The following KCNB2 variants were observed in gnomAD, a reference collection of about 807,000 sequenced individuals.
The protein encoded by KCNB2 is potassium voltage-gated channel subfamily B member 2, also known as delayed rectifier potassium channel protein.
In KCNB2, 15 loss-of-function variants were observed where a neutral mutation model predicts 61.5. That is an observed-to-expected ratio of 0.24 (90% CI 0.16 to 0.38). The LOEUF is 0.38. Among genes scored for constraint, KCNB2 ranks in the 10% least tolerant of loss-of-function variants. The probability of loss-of-function intolerance (pLI) is 1.00; values close to 1 mark genes in which losing one functional copy is unlikely to be tolerated. For missense variants in KCNB2, 828 were observed against 1,125.2 expected, an observed-to-expected ratio of 0.74 and a Z score of 3.78; for synonymous variants, 457 against 446.0, an observed-to-expected ratio of 1.02 and a Z score of -0.31.
At chr8:72,733,697 G>A (rs182113210) in intron 2 of KCNB2, among the ~76,000 whole-genome samples, 294 of 152,206 alleles carry the variant, frequency 1.9e-3, no homozygotes, top group African/African-American at 6.7e-3. Context: ...GAAGGTAGTC[G>A]TTAGGACAGC....
intron 2 of KCNB2, among the ~76,000 whole-genome samples, chr8:72,892,873 A>G: frequency 6.6e-6 from 1 of 152,198 alleles, no homozygotes; most frequent in East Asian, 1.9e-4. Context: ...ATAAGTATGC[A>G]AAATTATTTC....
chr8:72,808,525 C>A (rs143587226), intron 2 of KCNB2, among the ~76,000 whole-genome samples: 1 of 152,122 alleles, frequency 6.6e-6, no homozygotes, highest in African/African-American at 2.4e-5. Flanking sequence ...TGTAATCTAG[C>A]CCCCATACAA....
intron 2 of KCNB2, among the ~76,000 whole-genome samples, chr8:72,611,819 C>T (rs1286111305): frequency 1.3e-5 from 2 of 152,146 alleles, no homozygotes; most frequent in Admixed American, 6.6e-5. Flanking sequence ...AGGTAGCCCA[C>T]TTGCTGCCCA....
rs1585988231 is a variant in KCNB2 at position 72,936,998 on chromosome 8, C to T, written c.1643C>T (p.Thr548Ile). 6.2e-7 allele frequency: 1 copy of T among 1,614,162 alleles called. No homozygotes were observed. The highest frequency in any genetic ancestry group is 1.1e-5 in the South Asian group (1 of 91,078). The change falls in exon 3 of 3, where the codon ACC becomes ATC. Residue 548 changes from threonine to isoleucine, a missense_variant. Physicochemically the swap from Thr to Ile is moderately conservative, Grantham distance 89. Around this residue, in one of 4 missense-constraint regions of KCNB2, gnomAD observed 559 missense variants for 588.4 expected, o/e 0.95. Coordinates refer to ENST00000523207, the MANE Select transcript of KCNB2 (RefSeq NM_004770.3). This position sits in a 1 kb window ranked among gnomAD's most constrained non-coding sequence, Gnocchi z 5.6. ...QKLEMLYNEI[T>I]KTQPHSHPNP... is the part of the protein sequence containing the mutation. ...CTGGAGATGCTATACAATGAAATCA[C>T]CAAGACACAGCCTCATTCTCACCCA...
At chr8:72,735,853 T>C (rs1277611104) in intron 2 of KCNB2, among the ~76,000 whole-genome samples, 1 of 152,168 alleles carries the variant, frequency 6.6e-6, no homozygotes, top group African/African-American at 2.4e-5. Flanking sequence ...GTTGTTAAGA[T>C]GTATCGCAGA....
chr8:72,561,475 A>G (rs1806510382), intron 1 of KCNB2, among the ~76,000 whole-genome samples: 1 of 151,422 alleles, frequency 6.6e-6, no homozygotes, highest in Non-Finnish European at 1.5e-5. Flanking sequence ...TTTGAGGAAC[A>G]AAATGATATT....
At chr8:72,912,008 G>A (rs1167169637) in intron 2 of KCNB2, among the ~76,000 whole-genome samples, 1 of 152,156 alleles carries the variant, frequency 6.6e-6, no homozygotes, top group Non-Finnish European at 1.5e-5. Flanking sequence ...AGTCTGGCAT[G>A]AGCTGATTAA....
At position 72,634,577 on chromosome 8, in the gene KCNB2, T is replaced by C. The variant is rs140319389; in HGVS notation, c.579+66264T>C. On this transcript the variant is annotated intron_variant, in intron 2 of 2. Coordinates refer to ENST00000523207, the MANE Select transcript of KCNB2 (RefSeq NM_004770.3). ...GTATCTACGTTAAATGTATTCATAT[T>C]ACTGGCAAAGTCAAAGAGCTCAGCT... Among the ~76,000 whole-genome samples the C allele has an allele frequency of 6.6e-5, 10 of 152,320 alleles. 1 individual carries two copies. Among genetic ancestry groups the C allele is most frequent in the African/African-American group, 2.4e-4 (10 of 41,582 alleles).
chr8:72,583,202 C>A (rs1042865131), intron 2 of KCNB2, among the ~76,000 whole-genome samples: 7 of 152,236 alleles, frequency 4.6e-5, no homozygotes, highest in African/African-American at 1.7e-4. Context: ...TGATGGGATT[C>A]TCTAATTTAG....
intron 2 of KCNB2, among the ~76,000 whole-genome samples, chr8:72,754,616 T>C (rs1267739451): frequency 6.6e-6 from 1 of 152,126 alleles, no homozygotes; most frequent in Non-Finnish European, 1.5e-5. Context: ...AGACAGAAAA[T>C]GAATAATTTA....
chr8:72,717,639 T>G (rs2128992441), intron 2 of KCNB2, among the ~76,000 whole-genome samples: 1 of 152,190 alleles, frequency 6.6e-6, no homozygotes, highest in South Asian at 2.1e-4. Context: ...GATCCCTTCC[T>G]TACACCTTAT....
chr8:72,542,747 T>TAA (rs1384895369), intron 1 of KCNB2, among the ~76,000 whole-genome samples: 1 of 152,138 alleles, frequency 6.6e-6, no homozygotes, highest in Non-Finnish European at 1.5e-5. Context: ...ATAAGAGTGA[T>TAA]AGAGGCAAAG....
chr8:72,884,624 G>A (rs1217432769), intron 2 of KCNB2, among the ~76,000 whole-genome samples: 1 of 152,070 alleles, frequency 6.6e-6, no homozygotes, highest in Non-Finnish European at 1.5e-5. Context: ...TGGAATTTGT[G>A]TGTGTTGGGA....
At chr8:72,928,026 G>A (rs1332983627) in intron 2 of KCNB2, among the ~76,000 whole-genome samples, 1 of 152,112 alleles carries the variant, frequency 6.6e-6, no homozygotes, top group African/African-American at 2.4e-5. Flanking sequence ...GGAAAAAGAA[G>A]AGTGTTATAG....
At chr8:72,839,674 G>GCGATCT (rs1330419420) in intron 2 of KCNB2, among the ~76,000 whole-genome samples, 1 of 132,410 alleles carries the variant, frequency 7.6e-6, no homozygotes, top group Non-Finnish European at 1.5e-5. Flanking sequence ...GTGCAGTGGC[G>GCGATCT]CGATCTCGGC....
chr8:72,586,705 C>G (rs1341322427), intron 2 of KCNB2, among the ~76,000 whole-genome samples: 1 of 152,156 alleles, frequency 6.6e-6, no homozygotes, highest in Admixed American at 6.5e-5. Context: ...AGTAACAAAA[C>G]CAGGGGCATT....
Position 72,882,207 on chromosome 8 carries a change from C to T in KCNB2, c.580-53728C>T, listed in dbSNP as rs186876050. 5.9e-5 allele frequency among the ~76,000 whole-genome samples: 9 copies of T among 152,210 alleles called. No individual in the cohort carries two copies. In the East Asian group the frequency reaches 1.4e-3, roughly 23 times the overall value. On this transcript the variant is annotated intron_variant, in intron 2 of 2. Coordinates refer to ENST00000523207, the MANE Select transcript of KCNB2 (RefSeq NM_004770.3). ...GCACCTCCACACGGGGGTGGTTTTT[C>T]GGGTGAAACAGTGCAGTGTTGTGAC... is the stretch of plus-strand genomic sequence containing the variant.
At chr8:72,577,873 A>G (rs1806822962) in intron 2 of KCNB2, among the ~76,000 whole-genome samples, 1 of 152,202 alleles carries the variant, frequency 6.6e-6, no homozygotes, top group Admixed American at 6.5e-5. Context: ...AGCTTTAATC[A>G]ATATACTATC....
chr8:72,598,672 C>A (rs1258887178), intron 2 of KCNB2, among the ~76,000 whole-genome samples: 1 of 152,186 alleles, frequency 6.6e-6, no homozygotes, highest in Admixed American at 6.5e-5. Flanking sequence ...TCCCTGTTTG[C>A]AGATGACATG....
Sources: allele counts gnomAD v4.1 joint callset (sites outside exome capture counted in the v4.1 genomes callset), GRCh38; gene constraint gnomAD v4.1.1; regional missense constraint gnomAD v4.1.1; non-coding constraint Gnocchi (gnomAD v3.1); transcripts MANE v1.5; gene names NCBI Gene and HGNC (gene_info 2026-07-23, HGNC 2026-07-21).